Variants in FER observed in about 807,000 individuals in gnomAD.
The protein encoded by FER is tyrosine-protein kinase Fer.
Under a neutral mutation model 111.0 loss-of-function variants are expected in FER, and 63 were observed. The ratio of observed to expected loss-of-function variants is 0.57; its 90% confidence interval spans 0.46 to 0.70. FER has a LOEUF of 0.70. Ranked by LOEUF, FER falls within the 30% of genes least tolerant of loss-of-function variation. The pLI, the probability that FER is intolerant of heterozygous loss-of-function variation, is 0.00. For missense variants in FER, 914 were observed against 954.0 expected (o/e 0.96, Z 0.55); for synonymous variants, 327 against 313.9 (o/e 1.04, Z -0.44).
chr5:109,138,041 T>A (rs1753100947), intron 17 of FER, among the ~76,000 whole-genome samples: 1 of 152,028 alleles, frequency 6.6e-6, no homozygotes, highest in African/African-American at 2.4e-5. Context: ...AAGCCTGAAG[T>A]CTTTCTGTCA....
chr5:109,037,491 C>T lies in FER; in HGVS notation c.1713+13C>T, dbSNP rs1770563647. 6.2e-7 allele frequency: 1 copy of T among 1,606,990 alleles called. No homozygotes were observed. Among genetic ancestry groups the T allele is most frequent in the Non-Finnish European group, 8.5e-7 (1 of 1,174,498 alleles). ...ATTACTGGGCAAGGTATGTAATCAA[C>T]TGAGCTAAATAACCAGAAGTCTCTA... On this transcript the variant is annotated intron_variant, in intron 14 of 19. Coordinates refer to ENST00000281092, the MANE Select transcript of FER (RefSeq NM_005246.4).
chr5:108,984,346 G>A (rs1436260491), intron 13 of FER, among the ~76,000 whole-genome samples: 2 of 152,144 alleles, frequency 1.3e-5, no homozygotes, highest in East Asian at 3.9e-4. Context: ...TAATAGCTCA[G>A]AAGATATAAA....
At chr5:109,039,590 A>G (rs1770871512) in intron 14 of FER, among the ~76,000 whole-genome samples, 1 of 152,092 alleles carries the variant, frequency 6.6e-6, no homozygotes, top group African/African-American at 2.4e-5. Flanking sequence ...TTACTTTTGA[A>G]TAAAGACTTG....
intron 16 of FER, among the ~76,000 whole-genome samples, chr5:109,073,020 A>G (rs1775943109): frequency 6.6e-6 from 1 of 152,040 alleles, no homozygotes; most frequent in Admixed American, 6.6e-5. Flanking sequence ...TGTTTTATAA[A>G]GACACTAGTC....
chr5:109,164,321 C>T (rs1756312713), intron 17 of FER, among the ~76,000 whole-genome samples: 1 of 152,160 alleles, frequency 6.6e-6, no homozygotes, highest in African/African-American at 2.4e-5. Flanking sequence ...ATGACCCTGT[C>T]TTCCATTAGT....
chr5:109,022,600 C>T (rs1294530103), intron 13 of FER, among the ~76,000 whole-genome samples: 1 of 152,020 alleles, frequency 6.6e-6, no homozygotes, highest in Non-Finnish European at 1.5e-5. Flanking sequence ...CATTGGGCCC[C>T]ACAAAGGCTA....
chr5:109,080,358 C>T (rs1244723537), intron 16 of FER, among the ~76,000 whole-genome samples: 4 of 151,978 alleles, frequency 2.6e-5, no homozygotes, highest in Admixed American at 2.6e-4. Flanking sequence ...GGTTGGAATA[C>T]TCCATGTGAG....
chr5:108,764,235 G>T (rs960046539), intron 1 of FER, among the ~76,000 whole-genome samples: 1 of 151,636 alleles, frequency 6.6e-6, no homozygotes, highest in Non-Finnish European at 1.5e-5. Context: ...AACAACACAG[G>T]TCTATTACTT....
intron 13 of FER, among the ~76,000 whole-genome samples, chr5:109,021,874 C>G (rs2149832664): frequency 6.6e-6 from 1 of 152,118 alleles, no homozygotes; most frequent in Admixed American, 6.6e-5. Context: ...ATACCTACCG[C>G]ATGTTAAGCA....
intron 14 of FER, among the ~76,000 whole-genome samples, chr5:109,038,593 G>A (rs1770723485): frequency 6.6e-6 from 1 of 151,854 alleles, no homozygotes; most frequent in African/African-American, 2.4e-5. Flanking sequence ...TTTAGTAAGT[G>A]AATTCTAAAG....
chr5:109,027,423 G>A (rs960777111), intron 13 of FER, among the ~76,000 whole-genome samples: 2 of 152,124 alleles, frequency 1.3e-5, no homozygotes, highest in Admixed American at 1.3e-4. Flanking sequence ...ATGTTGGGGA[G>A]ATATATAGGA....
At chr5:109,027,846 G>T (rs140611308) in intron 13 of FER, among the ~76,000 whole-genome samples, 1 of 152,036 alleles carries the variant, frequency 6.6e-6, no homozygotes, top group African/African-American at 2.4e-5. Flanking sequence ...CTAAGATTTA[G>T]GTTTTAGCAT....
intron 9 of FER, among the ~76,000 whole-genome samples, chr5:108,897,457 C>T (rs7719821): frequency 5.4e-4 from 82 of 152,036 alleles, no homozygotes; most frequent in African/African-American, 1.5e-3. Flanking sequence ...TTGGATTTGA[C>T]TCCAAACACT....
intron 13 of FER, among the ~76,000 whole-genome samples, chr5:109,035,292 G>T (rs548796716): frequency 3.3e-5 from 5 of 152,068 alleles, no homozygotes; most frequent in East Asian, 1.9e-4. Flanking sequence ...TTTCCCTTTT[G>T]CAGTCAGTCT....
intron 9 of FER, among the ~76,000 whole-genome samples, chr5:108,886,946 TG>T (rs1486749762): frequency 1.3e-5 from 2 of 151,784 alleles, no homozygotes; most frequent in Non-Finnish European, 3.0e-5. Context: ...CCAGGGCAAA[TG>T]TTTGCATTTT....
At chr5:109,115,232 G>A (rs1393196703) in intron 17 of FER, among the ~76,000 whole-genome samples, 1 of 151,960 alleles carries the variant, frequency 6.6e-6, no homozygotes, top group African/African-American at 2.4e-5. Flanking sequence ...GACCTGTTAG[G>A]CAAAAGATGA....
chr5:109,007,059 T>G (rs62377124), intron 13 of FER, among the ~76,000 whole-genome samples: 36,343 of 152,074 alleles, frequency 0.24, 4,978 homozygotes, highest in Non-Finnish European at 0.3. Flanking sequence ...TTCAGAAAAT[T>G]GAGGCATTAT....
In FER at chr5:109,019,226, C is replaced by T. The variant is rs1767603350; in HGVS notation, c.1657-18196C>T. Among the ~76,000 whole-genome samples the T allele has an allele frequency of 5.3e-5, 8 of 151,784 alleles. No individual in the cohort carries two copies. The South Asian group carries it at 1.7e-3, about 32-fold the overall frequency. The stretch of plus-strand genomic sequence containing the variant: ...CTTCAGTTTTATACTCCATTAATTT[C>T]ATTAAAAGAAAAATTCTTATGTGAT... On this transcript the variant is annotated intron_variant, in intron 13 of 19. Coordinates refer to ENST00000281092, the MANE Select transcript of FER (RefSeq NM_005246.4).
intron 9 of FER, among the ~76,000 whole-genome samples, chr5:108,896,593 A>G (rs894453048): frequency 6.6e-6 from 1 of 152,176 alleles, no homozygotes; most frequent in Admixed American, 6.5e-5. Flanking sequence ...GAAACTTGTT[A>G]CAATAAGGAG....
Sources: allele counts gnomAD v4.1 joint callset (sites outside exome capture counted in the v4.1 genomes callset), GRCh38; gene constraint gnomAD v4.1.1; transcripts MANE v1.5; gene names NCBI Gene and HGNC (gene_info 2026-07-23, HGNC 2026-07-21).